Variants in COL24A1 observed in about 807,000 individuals in gnomAD.
COL24A1 encodes collagen type XXIV alpha 1 chain, also known as collagen alpha-1(XXIV) chain.
In COL24A1, 224 loss-of-function variants were observed where a neutral mutation model predicts 253.9. The observed-to-expected ratio is 0.88, with a 90% CI of 0.79 to 0.99. The LOEUF (loss-of-function observed/expected upper bound fraction) is 0.99, where lower values mean the gene tolerates loss of function less well. COL24A1 is among the 50% of genes least tolerant of loss of function. COL24A1 has a pLI of 0.00. For synonymous variants in COL24A1, 685 were observed against 673.7 expected, an observed-to-expected ratio of 1.02 and a Z score of -0.26; for missense variants, 2,131 against 2,068.5, an observed-to-expected ratio of 1.03 and a Z score of -0.59.
intron 10 of COL24A1, among the ~76,000 whole-genome samples, chr1:86,057,695 C>T (rs918599112): frequency 1.3e-5 from 2 of 152,158 alleles, no homozygotes; most frequent in African/African-American, 4.8e-5. Context: ...CACATTCTAA[C>T]ATGCCAGACA....
At chr1:86,148,305 C>T (rs1652199890) in intron 1 of COL24A1, among the ~76,000 whole-genome samples, 2 of 152,122 alleles carry the variant, frequency 1.3e-5, no homozygotes, top group Non-Finnish European at 2.9e-5. Context: ...CTGTCTCAGC[C>T]TCCTGAATAG....
intron 56 of COL24A1, 59 bp downstream of exon 56, chr1:85,745,382 C>A: frequency 1.6e-6 from 2 of 1,267,442 alleles, no homozygotes; most frequent in Non-Finnish European, 1.1e-6. Flanking sequence ...CAAAAATTTT[C>A]TCTGTTTAAT....
intron 24 of COL24A1, among the ~76,000 whole-genome samples, chr1:85,911,913 G>C (rs1685409837): frequency 6.6e-6 from 1 of 152,092 alleles, no homozygotes; most frequent in Non-Finnish European, 1.5e-5. Context: ...TGGTTGCTAA[G>C]ATTTCATTAC....
chr1:86,151,470 T>G, intron 1 of COL24A1, among the ~76,000 whole-genome samples: 1 of 152,116 alleles, frequency 6.6e-6, no homozygotes, highest in East Asian at 1.9e-4. Context: ...ACCCAAGATA[T>G]TGATAGCTAA....
intron 24 of COL24A1, among the ~76,000 whole-genome samples, chr1:85,913,345 T>G (rs1191417459): frequency 2.0e-5 from 3 of 152,204 alleles, no homozygotes; most frequent in Non-Finnish European, 4.4e-5. Flanking sequence ...AGGCTATATA[T>G]GCTCTGAATC....
intron 45 of COL24A1, among the ~76,000 whole-genome samples, 166 bp from the exon 46 acceptor site, chr1:85,818,253 G>A (rs1570742357): frequency 6.6e-6 from 1 of 152,142 alleles, no homozygotes; most frequent in Non-Finnish European, 1.5e-5. Context: ...TTCTTCATCT[G>A]AAAATGAGAA....
intron 19 of COL24A1, among the ~76,000 whole-genome samples, chr1:85,992,596 T>C (rs939799467): frequency 6.6e-6 from 1 of 152,050 alleles, no homozygotes; most frequent in Non-Finnish European, 1.5e-5. Context: ...AGCTTACAGA[T>C]TGAAAAATAA....
At chr1:86,068,453 C>T (rs889354793) in intron 7 of COL24A1, among the ~76,000 whole-genome samples, 2 of 152,172 alleles carry the variant, frequency 1.3e-5, no homozygotes, top group Non-Finnish European at 2.9e-5. Context: ...GGGAATCGCA[C>T]ATCCTCAAGG....
intron 47 of COL24A1, among the ~76,000 whole-genome samples, chr1:85,792,815 T>A (rs313731): frequency 0.89 from 135,441 of 152,144 alleles, 60,514 homozygotes; most frequent in Middle Eastern, 0.93. Flanking sequence ...AAAAAATTCC[T>A]AAGAAGAGAG....
chr1:85,784,681 T>C (rs1476832279), intron 48 of COL24A1, among the ~76,000 whole-genome samples: 1 of 152,050 alleles, frequency 6.6e-6, no homozygotes, highest in Non-Finnish European at 1.5e-5. Flanking sequence ...GAGGGTGTGG[T>C]ATGTGTGGGT....
chr1:85,989,555 C>T (rs1694042817), intron 19 of COL24A1, among the ~76,000 whole-genome samples: 1 of 151,868 alleles, frequency 6.6e-6, no homozygotes, highest in Non-Finnish European at 1.5e-5. Flanking sequence ...CACTCCGTAG[C>T]CAGACTGATC....
At chr1:85,922,193 T>C (rs1686593200) in intron 24 of COL24A1, among the ~76,000 whole-genome samples, 1 of 152,214 alleles carries the variant, frequency 6.6e-6, no homozygotes, top group African/African-American at 2.4e-5. Context: ...TACATTTCAT[T>C]GGTGTACCTG....
chr1:86,081,943 C>G (rs560756928), intron 7 of COL24A1, among the ~76,000 whole-genome samples: 1 of 152,100 alleles, frequency 6.6e-6, no homozygotes, highest in East Asian at 1.9e-4. Flanking sequence ...CAATGGTTTG[C>G]TCCTTTTAAA....
chr1:85,861,142 T>C lies in COL24A1; in HGVS notation c.3300+7377A>G, dbSNP rs573183497. 4.6e-5 allele frequency among the ~76,000 whole-genome samples: 7 copies of C among 152,296 alleles called. No individual in the cohort carries two copies. In the East Asian group the frequency reaches 1.4e-3, roughly 29 times the overall value. On this transcript the variant is annotated intron_variant, in intron 37 of 59. Transcript: ENST00000370571. ...AGCAATGTATAAGGGTTCCAATTTC[T>C]CTATATCCTCATTAACACTAACCAT...
chr1:85,972,830 A>C, intron 20 of COL24A1, among the ~76,000 whole-genome samples: 1 of 150,944 alleles, frequency 6.6e-6, no homozygotes, highest in East Asian at 1.9e-4. Context: ...AGCATTAAGA[A>C]TGAGGTAAAA....
intron 14 of COL24A1, 64 bp from the exon 15 acceptor site, chr1:86,023,071 C>A: frequency 6.7e-7 from 1 of 1,491,508 alleles, no homozygotes; most frequent in South Asian, 1.2e-5. Flanking sequence ...GAAAATGTGG[C>A]AGAATTAATA....
chr1:86,045,466 T>C (rs1271583042), intron 12 of COL24A1, among the ~76,000 whole-genome samples: 1 of 152,144 alleles, frequency 6.6e-6, no homozygotes, highest in African/African-American at 2.4e-5. Flanking sequence ...ACAAACCACC[T>C]ATTGTTAATT....
At chr1:86,133,780 A>T (rs1218532512) in intron 2 of COL24A1, among the ~76,000 whole-genome samples, 1 of 149,214 alleles carries the variant, frequency 6.7e-6, no homozygotes, top group Non-Finnish European at 1.5e-5. Flanking sequence ...GTTTGCATTG[A>T]TGTTCATCAG....
intron 47 of COL24A1, among the ~76,000 whole-genome samples, chr1:85,800,564 G>A (rs1301523460): frequency 6.6e-6 from 1 of 152,190 alleles, no homozygotes. Context: ...TAAACCTGGA[G>A]AATCAGGTTT....
Sources: allele counts gnomAD v4.1 joint callset (sites outside exome capture counted in the v4.1 genomes callset), GRCh38; gene constraint gnomAD v4.1.1; transcripts MANE v1.5; gene names NCBI Gene and HGNC (gene_info 2026-07-23, HGNC 2026-07-21).